C7orf78: variants seen among roughly 807,000 people sequenced by gnomAD.
C7orf78 encodes the protein putative uncharacterized protein C7orf78.
chr7:12,527,340 C>T, the C7orf78 span, among the ~76,000 whole-genome samples: 1 of 129,636 alleles, frequency 7.7e-6, no homozygotes, highest in Non-Finnish European at 1.6e-5. Flanking sequence ...TGTCAGCTTT[C>T]CTAGTATATG....
At chr7:12,517,352 A>T in the C7orf78 span, among the ~76,000 whole-genome samples, 6 of 151,690 alleles carry the variant, frequency 4.0e-5, no homozygotes, top group Non-Finnish European at 5.9e-5. Flanking sequence ...GTCCAATTAA[A>T]CCTCTTTTTC....
the C7orf78 span, among the ~76,000 whole-genome samples, chr7:12,527,740 T>C: frequency 2.0e-5 from 3 of 148,566 alleles, no homozygotes; most frequent in Non-Finnish European, 4.4e-5. Context: ...ACTTTCCTAG[T>C]ATATGCTATG....
At chr7:12,541,917 T>C in the C7orf78 span, 1 of 152,216 alleles carries the variant, frequency 6.6e-6, no homozygotes, top group African/African-American at 2.4e-5. Flanking sequence ...AACACCAGGC[T>C]TGGAGAATTT....
chr7:12,500,486 T>C, the C7orf78 span, among the ~76,000 whole-genome samples: 1 of 149,450 alleles, frequency 6.7e-6, no homozygotes, highest in Non-Finnish European at 1.5e-5. Flanking sequence ...CTAGAAGAAA[T>C]GGATAAATTC....
the C7orf78 span, among the ~76,000 whole-genome samples, chr7:12,512,719 T>G: frequency 2.0e-5 from 3 of 152,168 alleles, no homozygotes; most frequent in African/African-American, 7.2e-5. Flanking sequence ...TGAGTTAGTT[T>G]TCTTCAATTT....
At chr7:12,524,865 A>T in the C7orf78 span, among the ~76,000 whole-genome samples, 1 of 152,096 alleles carries the variant, frequency 6.6e-6, no homozygotes, top group African/African-American at 2.4e-5. Context: ...TACTAATAAC[A>T]GACTTAAAAA....
At chr7:12,518,320 G>T in the C7orf78 span, among the ~76,000 whole-genome samples, 1 of 152,098 alleles carries the variant, frequency 6.6e-6, no homozygotes, top group African/African-American at 2.4e-5. Flanking sequence ...GGTGTTAGTT[G>T]TCCAGTTGAG....
chr7:12,486,292 C>A, the C7orf78 span, among the ~76,000 whole-genome samples: 6 of 152,058 alleles, frequency 3.9e-5, no homozygotes, highest in South Asian at 6.2e-4. Context: ...GTTATATAGT[C>A]CATGTAAAGT....
chr7:12,509,503 A>G, the C7orf78 span, among the ~76,000 whole-genome samples: 4 of 152,322 alleles, frequency 2.6e-5, no homozygotes, highest in Admixed American at 1.3e-4. Context: ...AATTAAATAT[A>G]CTAAATATTG....
At chr7:12,491,258 C>G in the C7orf78 span, 2 of 152,206 alleles carry the variant, frequency 1.3e-5, no homozygotes, top group African/African-American at 4.8e-5. Context: ...ATAGGGATGT[C>G]TAGATTTGGT....
At chr7:12,528,136 T>C in the C7orf78 span, among the ~76,000 whole-genome samples, 2 of 149,584 alleles carry the variant, frequency 1.3e-5, no homozygotes, top group East Asian at 2.1e-4. Context: ...TTTCCTAGTA[T>C]ATGCTATGTG....
the C7orf78 span, among the ~76,000 whole-genome samples, chr7:12,498,402 G>A: frequency 6.6e-6 from 1 of 150,928 alleles, no homozygotes; most frequent in African/African-American, 2.4e-5. Flanking sequence ...AGCTGATGGA[G>A]CTGAAAACCA....
At chr7:12,525,358 T>C in the C7orf78 span, among the ~76,000 whole-genome samples, 1 of 152,176 alleles carries the variant, frequency 6.6e-6, no homozygotes, top group Admixed American at 6.5e-5. Flanking sequence ...CCAGGCTTGA[T>C]AAATTATTTA....
At chr7:12,513,101 CTT>C in the C7orf78 span, among the ~76,000 whole-genome samples, 324 of 151,852 alleles carry the variant, frequency 2.1e-3, no homozygotes, top group Non-Finnish European at 3.5e-3. Context: ...TTTTATCTAT[CTT>C]TTCAAAAACT....
the C7orf78 span, among the ~76,000 whole-genome samples, chr7:12,496,146 C>T: frequency 2.6e-5 from 4 of 152,120 alleles, no homozygotes; most frequent in Admixed American, 2.6e-4. Flanking sequence ...AGGATGGTCT[C>T]GATCTCCTGA....
the C7orf78 span, among the ~76,000 whole-genome samples, chr7:12,524,893 C>T: frequency 6.6e-6 from 1 of 151,826 alleles, no homozygotes; most frequent in Non-Finnish European, 1.5e-5. Context: ...AAATAAAATT[C>T]ACGGAATAAG....
the C7orf78 span, among the ~76,000 whole-genome samples, chr7:12,518,216 G>A: frequency 6.6e-6 from 1 of 152,184 alleles, no homozygotes; most frequent in Non-Finnish European, 1.5e-5. Flanking sequence ...TGGGAAAAGG[G>A]ATTGCAGGTA....
the C7orf78 span, among the ~76,000 whole-genome samples, chr7:12,511,435 AT>A: frequency 6.6e-6 from 1 of 152,082 alleles, no homozygotes; most frequent in Non-Finnish European, 1.5e-5. Flanking sequence ...TATGATAGGG[AT>A]TCCATTGACT....
chr7:12,493,505 C>G, the C7orf78 span, among the ~76,000 whole-genome samples: 6 of 152,236 alleles, frequency 3.9e-5, no homozygotes, highest in East Asian at 1.9e-4. Flanking sequence ...TCTGACTCAG[C>G]AGGTTTGAGA....
Sources: gnomAD v4.1 joint callset for allele counts (sites outside exome capture counted in the v4.1 genomes callset) on GRCh38, gnomAD v4.1.1 for gene constraint, MANE v1.5 for transcripts, NCBI Gene and HGNC (gene_info 2026-07-23, HGNC 2026-07-21) for gene names.